PRUNE2: variants seen among roughly 807,000 people sequenced by gnomAD.
PRUNE2 encodes protein prune homolog 2.
A neutral mutation model predicts 252.0 loss-of-function variants in PRUNE2; 164 were observed. The observed-to-expected ratio is 0.65, with a 90% confidence interval of 0.57 to 0.74. The LOEUF (loss-of-function observed/expected upper bound fraction) is 0.74. PRUNE2 is among the 30% of genes least tolerant of loss of function. The pLI, the probability that PRUNE2 is intolerant of heterozygous loss-of-function variation, is 0.00. For synonymous variants in PRUNE2, 1,292 were observed against 1,350.2 expected (o/e 0.96, Z 0.94); for missense variants, 3,495 against 3,711.0 (o/e 0.94, Z 1.51).
chr9:76,795,951 TA>T (rs2056058033), intron 6 of PRUNE2, among the ~76,000 whole-genome samples: 1 of 152,210 alleles, frequency 6.6e-6, no homozygotes, highest in African/African-American at 2.4e-5. Context: ...GTATTGGGAC[TA>T]TAAGACTACC....
intron 6 of PRUNE2, among the ~76,000 whole-genome samples, chr9:76,769,768 A>G (rs747045195): frequency 6.6e-6 from 1 of 152,222 alleles, no homozygotes; most frequent in Non-Finnish European, 1.5e-5. Flanking sequence ...AGAGCTTATC[A>G]AAGTAGGCTT....
intron 6 of PRUNE2, among the ~76,000 whole-genome samples, chr9:76,805,032 CA>C (rs2056835492): frequency 6.6e-6 from 1 of 152,182 alleles, no homozygotes; most frequent in Non-Finnish European, 1.5e-5. Context: ...CTTCCTTTAA[CA>C]GATAGAATGT....
At chr9:76,728,397 A>C (rs1230194172) in intron 6 of PRUNE2, among the ~76,000 whole-genome samples, 1 of 152,218 alleles carries the variant, frequency 6.6e-6, no homozygotes, top group Non-Finnish European at 1.5e-5. Context: ...CATGAGATTT[A>C]AATTTAATTG....
Position 76,704,654 on chromosome 9 carries a change from TAGTTTTCTCTCTACCCTCATTGGTAGGA to T in PRUNE2, c.7513+79_7513+106del, listed in dbSNP as rs536027001. 2.7e-4 allele frequency: 211 copies of T among 780,716 alleles called. 1 individual carries two copies. In the South Asian group the frequency reaches 3.8e-3, roughly 14 times the overall value. The allele number at this position is 780,716 out of a possible 1,614,324, so 48.4% of individuals were successfully genotyped here. ...GTGAGGCATGCCTTGAAAATGTAGTTAGTTTTCTCTCTACCCTCATTGGTAGGAAGAGTGTGTCTTACAAATATGCACT... is the reference window on the plus strand; with the variant it reads ...GTGAGGCATGCCTTGAAAATGTAGTTAGAGTGTGTCTTACAAATATGCACT... On this transcript the variant is annotated intron_variant, in intron 8 of 18. Coordinates refer to ENST00000376718, the MANE Select transcript of PRUNE2 (RefSeq NM_015225.3).
chr9:76,730,351 G>A (rs1189553719), intron 6 of PRUNE2, among the ~76,000 whole-genome samples: 1 of 152,142 alleles, frequency 6.6e-6, no homozygotes, highest in African/African-American at 2.4e-5. Context: ...CTCCTCACCT[G>A]TAGAAAAAAG....
intron 9 of PRUNE2, among the ~76,000 whole-genome samples, chr9:76,660,781 C>CAAAAAAAAAAAAAAA (rs11432174): frequency 2.0e-5 from 2 of 101,042 alleles, no homozygotes; most frequent in African/African-American, 4.0e-5. Flanking sequence ...GACTCTGAAT[C>CAAAAAAAAAAAAAAA]AAAAAAAAAA....
In PRUNE2 at chr9:76,708,504, G is replaced by A. The variant is rs2046468258; in HGVS notation, c.3770C>T (p.Ala1257Val). Residue 1257 changes from alanine to valine, a missense_variant, in exon 8 of 19, where the codon GCA becomes GTA. Coordinates refer to ENST00000376718, the MANE Select transcript of PRUNE2 (RefSeq NM_015225.3). ...ELPPEIPSHS[A>V]NVKDTHSPDA... ...TGGGGAATGAGTGTCTTTAACATTT[G>A]CTGAATGGCTGGGGATTTCAGGAGG... 1.2e-6 allele frequency: 2 copies of A among 1,613,824 alleles called. No homozygotes were observed. Among genetic ancestry groups the A allele is most frequent in the Non-Finnish European group, 8.5e-7 (1 of 1,179,896 alleles).
At chr9:76,905,532 C>T (rs900911550) in intron 1 of PRUNE2, among the ~76,000 whole-genome samples, 1 of 152,212 alleles carries the variant, frequency 6.6e-6, no homozygotes, top group African/African-American at 2.4e-5. Flanking sequence ...AAGTACAGTT[C>T]TAAGGGTCTC....
At chr9:76,886,874 A>T (rs1589775146) in intron 1 of PRUNE2, among the ~76,000 whole-genome samples, 1 of 152,188 alleles carries the variant, frequency 6.6e-6, no homozygotes, top group Non-Finnish European at 1.5e-5. Context: ...TATTGACTCT[A>T]AAACTGGTGG....
intron 9 of PRUNE2, among the ~76,000 whole-genome samples, chr9:76,696,357 G>A (rs904203416): frequency 6.6e-6 from 1 of 152,138 alleles, no homozygotes; most frequent in Non-Finnish European, 1.5e-5. Flanking sequence ...AACAGCTTCT[G>A]TTTGCTTCGT....
chr9:76,797,355 T>C (rs868166428), intron 6 of PRUNE2, among the ~76,000 whole-genome samples: 16 of 152,232 alleles, frequency 1.1e-4, no homozygotes, highest in South Asian at 1.0e-3. Flanking sequence ...ATTGAGGTGA[T>C]GATAGTCAAG....
chr9:76,711,341 T>C lies in PRUNE2; in HGVS notation c.933A>G (p.Glu311=). The C allele has an allele frequency of 6.2e-7, 1 of 1,611,248 alleles. No homozygotes were observed. The highest frequency in any genetic ancestry group is 1.1e-5 in the South Asian group (1 of 90,666). ...ELCSQICCEL[E]ECQNPCLELE... is the part of the protein sequence containing the mutation. Reference sequence around the variant, plus strand: ...GTTCTAGGCAAGGGTTCTGACACTCTTCCAGCTCACAGCAAATCTGTCGGA... The same window carrying C: ...GTTCTAGGCAAGGGTTCTGACACTCCTCCAGCTCACAGCAAATCTGTCGGA... The change falls in exon 8 of 19, where the codon GAA becomes GAG. Residue 311 remains glutamate (E), a synonymous_variant. Coordinates refer to ENST00000376718, the MANE Select transcript of PRUNE2 (RefSeq NM_015225.3).
intron 6 of PRUNE2, among the ~76,000 whole-genome samples, chr9:76,720,945 C>CA (rs2047590675): frequency 1.3e-5 from 2 of 152,132 alleles, no homozygotes; most frequent in African/African-American, 4.8e-5. Context: ...ACTAAAAATA[C>CA]AAAAAATTAG....
At chr9:76,885,705 T>C (rs1243758163) in intron 1 of PRUNE2, among the ~76,000 whole-genome samples, 4 of 151,980 alleles carry the variant, frequency 2.6e-5, no homozygotes, top group African/African-American at 7.3e-5. Flanking sequence ...ACTGCTTGGG[T>C]TCAAAACCTG....
rs534435803 is a variant in PRUNE2, at chr9:76,613,381, T to C, written c.*1189A>G. Reference sequence around the variant, plus strand: ...TGCGGCTGTAGTGTGAAAGTAGCTGTAGACAGTACAAAAACAAGTTTGTGT... The same window carrying C: ...TGCGGCTGTAGTGTGAAAGTAGCTGCAGACAGTACAAAAACAAGTTTGTGT... On this transcript the variant is annotated 3_prime_UTR_variant, in exon 19 of 19. Transcript: ENST00000376718. The C allele has an allele frequency of 6.6e-6, 1 of 152,316 alleles. No homozygotes were observed. Among genetic ancestry groups the C allele is most frequent in the African/African-American group, 2.4e-5 (1 of 41,568 alleles). The allele number at this position is 152,316 out of a possible 1,614,324, so 9.4% of individuals were successfully genotyped here.
In PRUNE2 at chr9:76,613,629, A is replaced by T. The variant is rs1828132581; in HGVS notation, c.*941T>A. ...AAAGGGCATATGAAGACTATAAAGG[A>T]AATATTTTGTACATGAAAGTAATAC... is the stretch of plus-strand genomic sequence containing the variant. On this transcript the variant is annotated 3_prime_UTR_variant, in exon 19 of 19. Transcript: ENST00000376718. 6.6e-6 allele frequency: 1 copy of T among 152,236 alleles called. No individual in the cohort carries two copies. Among genetic ancestry groups the T allele is most frequent in the Non-Finnish European group, 1.5e-5 (1 of 68,044 alleles). The allele number at this position is 152,236 out of a possible 1,614,324, so 9.4% of individuals were successfully genotyped here. A position where few individuals can be genotyped will look rare whatever the true frequency, so the allele number is the denominator to read the frequency against.
chr9:76,694,375 G>A lies in PRUNE2; in HGVS notation c.8276+8962C>T, dbSNP rs111846322. Among the ~76,000 whole-genome samples the A allele has an allele frequency of 3.8e-3, 582 of 152,160 alleles. 5 individuals carry two copies. The highest frequency in any genetic ancestry group is 0.013 in the African/African-American group (542 of 41,504). Reference sequence around the variant, plus strand: ...TTTTTGTATTTTTAGTAGAGACAGGGTTTCACCATATTGGCCAGGCTGGTT... The same window carrying A: ...TTTTTGTATTTTTAGTAGAGACAGGATTTCACCATATTGGCCAGGCTGGTT... On this transcript the variant is annotated intron_variant, in intron 9 of 18. Coordinates refer to ENST00000376718, the MANE Select transcript of PRUNE2 (RefSeq NM_015225.3).
intron 8 of PRUNE2, 43 bp downstream of exon 8, chr9:76,704,718 A>T: frequency 7.5e-7 from 1 of 1,340,838 alleles, no homozygotes; most frequent in African/African-American, 1.5e-5. Flanking sequence ...AGTTTAATCA[A>T]CGCAGCAGTT....
chr9:76,813,021 A>G (rs1442936318), intron 6 of PRUNE2, among the ~76,000 whole-genome samples: 2 of 152,284 alleles, frequency 1.3e-5, no homozygotes, highest in Non-Finnish European at 1.5e-5. Context: ...ACTGTTATCA[A>G]TGTTCTTGGG....
Sources: gnomAD v4.1 joint callset for allele counts (sites outside exome capture counted in the v4.1 genomes callset) on GRCh38, gnomAD v4.1.1 for gene constraint, MANE v1.5 for transcripts, NCBI Gene and HGNC (gene_info 2026-07-23, HGNC 2026-07-21) for gene names.